Variants in PDHX observed in about 807,000 individuals in gnomAD.
PDHX encodes the protein pyruvate dehydrogenase protein X component, mitochondrial.
PDHX carries 33 observed loss-of-function variants against 55.3 expected under a neutral mutation model. The observed-to-expected ratio is 0.60, with a 90% CI of 0.45 to 0.80. PDHX has a LOEUF of 0.80. PDHX is among the 30% of genes least tolerant of loss of function. PDHX has a pLI of 0.00. For synonymous variants in PDHX, 226 were observed against 219.4 expected (o/e 1.03, Z -0.27); for missense variants, 622 against 619.9 (o/e 1.00, Z -0.04).
intron 2 of PDHX, among the ~76,000 whole-genome samples, chr11:34,931,814 G>C (rs1052700136): frequency 1.6e-4 from 4 of 25,700 alleles, no homozygotes; most frequent in Non-Finnish European, 2.4e-4. Flanking sequence ...TATCATGATT[G>C]TGTGTGTGTG....
chr11:34,988,276 T>C (rs1855692925), intron 9 of PDHX, among the ~76,000 whole-genome samples: 1 of 152,198 alleles, frequency 6.6e-6, no homozygotes, highest in South Asian at 2.1e-4. Context: ...GTTTTTGCTG[T>C]AAGCCTTTTA....
At chr11:34,982,481 G>A (rs1370703062) in intron 8 of PDHX, among the ~76,000 whole-genome samples, 1 of 152,068 alleles carries the variant, frequency 6.6e-6, no homozygotes, top group Non-Finnish European at 1.5e-5. Flanking sequence ...ATGAATCCGG[G>A]AGCTGGTTTT....
intron 2 of PDHX, among the ~76,000 whole-genome samples, chr11:34,940,176 G>A (rs1854438541): frequency 6.6e-6 from 1 of 152,146 alleles, no homozygotes; most frequent in Non-Finnish European, 1.5e-5. Context: ...ACAAAACCAG[G>A]CTAAGATAAT....
intron 9 of PDHX, among the ~76,000 whole-genome samples, chr11:34,987,129 A>G (rs1204935663): frequency 1.3e-5 from 2 of 152,250 alleles, no homozygotes; most frequent in East Asian, 3.9e-4. Context: ...TTTCTATTAT[A>G]CCACCTCTCT....
chr11:34,931,370 G>T (rs1459517099), intron 1 of PDHX, 34 bp from the exon 2 acceptor site: 1 of 1,180,982 alleles, frequency 8.5e-7, no homozygotes, highest in African/African-American at 1.5e-5. Context: ...TGCATTATTT[G>T]TTGTGGCTCA....
At chr11:34,951,754 A>C (rs1590747099) in intron 3 of PDHX, among the ~76,000 whole-genome samples, 2 of 152,214 alleles carry the variant, frequency 1.3e-5, no homozygotes, top group South Asian at 4.1e-4. Context: ...TTGGTGTTTT[A>C]GACATGAAGT....
intron 8 of PDHX, among the ~76,000 whole-genome samples, 164 bp downstream of exon 8, chr11:34,978,346 CTG>C (rs1855426430): frequency 6.6e-6 from 1 of 151,968 alleles, no homozygotes; most frequent in African/African-American, 2.4e-5. Context: ...AATGAAGAAA[CTG>C]TAAATCAAAA....
chr11:34,954,086 A>T (rs915441041), intron 3 of PDHX, among the ~76,000 whole-genome samples: 27 of 152,338 alleles, frequency 1.8e-4, no homozygotes, highest in African/African-American at 6.5e-4. Flanking sequence ...TTGTATAATG[A>T]TTCACACCAT....
chr11:34,957,906 T>G, intron 4 of PDHX, among the ~76,000 whole-genome samples: 1 of 152,192 alleles, frequency 6.6e-6, no homozygotes, highest in Non-Finnish European at 1.5e-5. Flanking sequence ...CCAAACTTGA[T>G]ACTCTGTTCC....
chr11:34,924,916 G>A (rs1354853063), intron 1 of PDHX, among the ~76,000 whole-genome samples: 3 of 151,860 alleles, frequency 2.0e-5, no homozygotes, highest in East Asian at 3.9e-4. Flanking sequence ...GATGACTGCC[G>A]GTCAGTGCCG....
intron 8 of PDHX, among the ~76,000 whole-genome samples, chr11:34,984,239 A>G (rs1855591131): frequency 6.6e-6 from 1 of 152,208 alleles, no homozygotes; most frequent in Non-Finnish European, 1.5e-5. Flanking sequence ...GTTCGTTATC[A>G]TATGAGGTAG....
intron 7 of PDHX, among the ~76,000 whole-genome samples, chr11:34,971,886 C>A: frequency 1.3e-5 from 2 of 151,702 alleles, no homozygotes; most frequent in Admixed American, 1.3e-4. Context: ...TAGTGAATTT[C>A]TTTATGGGAA....
chr11:34,946,165 C>T (rs1565155513), intron 2 of PDHX, among the ~76,000 whole-genome samples: 1 of 152,154 alleles, frequency 6.6e-6, no homozygotes, highest in East Asian at 1.9e-4. Flanking sequence ...TTTCAATTTA[C>T]TAATTCATAC....
chr11:34,969,927 T>A, intron 6 of PDHX, among the ~76,000 whole-genome samples: 1 of 152,228 alleles, frequency 6.6e-6, no homozygotes, highest in Non-Finnish European at 1.5e-5. Flanking sequence ...TACTTTTTTC[T>A]GTAGTTATAT....
At chr11:34,945,350 A>G (rs1197741184) in intron 2 of PDHX, among the ~76,000 whole-genome samples, 2 of 152,162 alleles carry the variant, frequency 1.3e-5, no homozygotes. Context: ...CTTATAGCCC[A>G]TGGGTTCCAT....
chr11:34,925,222 A>G (rs892159597), intron 1 of PDHX, among the ~76,000 whole-genome samples: 1 of 152,184 alleles, frequency 6.6e-6, no homozygotes, highest in Non-Finnish European at 1.5e-5. Context: ...TCAGCTATGT[A>G]GATTGAACTT....
chr11:34,958,962 G>A (rs991711938), intron 4 of PDHX, among the ~76,000 whole-genome samples: 2 of 152,082 alleles, frequency 1.3e-5, no homozygotes, highest in East Asian at 3.9e-4. Context: ...AAAATCTAAA[G>A]ATTTAGTAAC....
chr11:34,974,225 T>G (rs1343004024), intron 7 of PDHX, among the ~76,000 whole-genome samples: 1 of 152,228 alleles, frequency 6.6e-6, no homozygotes, highest in African/African-American at 2.4e-5. Flanking sequence ...TCCTATAAAT[T>G]TGATGATTCT....
At chr11:34,956,890 C>A (rs1394898662) in intron 3 of PDHX, among the ~76,000 whole-genome samples, 2 of 152,272 alleles carry the variant, frequency 1.3e-5, no homozygotes, top group East Asian at 3.9e-4. Flanking sequence ...GAATGTTCAT[C>A]TTTTCAGACT....
Sources: gnomAD v4.1 joint callset for allele counts (sites outside exome capture counted in the v4.1 genomes callset) on GRCh38, gnomAD v4.1.1 for gene constraint, MANE v1.5 for transcripts, NCBI Gene and HGNC (gene_info 2026-07-23, HGNC 2026-07-21) for gene names.